The following TENM3 variants were observed in gnomAD, a reference collection of about 807,000 sequenced individuals.
The protein encoded by TENM3 is teneurin-3.
A neutral mutation model predicts 255.1 loss-of-function variants in TENM3; 63 were observed. The ratio of observed to expected loss-of-function variants is 0.25; its 90% confidence interval spans 0.20 to 0.30. The LOEUF (loss-of-function observed/expected upper bound fraction) is 0.30. Ranked by LOEUF, TENM3 falls within the 10% of genes least tolerant of loss-of-function variation. The pLI is 1.00. For missense variants in TENM3, 2,929 were observed against 3,461.1 expected (o/e 0.85, Z 3.86); for synonymous variants, 1,306 against 1,322.3 (o/e 0.99, Z 0.27).
Position 182,751,287 on chromosome 4 carries a change from A to G in TENM3, c.3630-513A>G, listed in dbSNP as rs575899082. 3.3e-5 allele frequency among the ~76,000 whole-genome samples: 5 copies of G among 152,032 alleles called. No individual in the cohort carries two copies. The South Asian group carries it at 1.0e-3, about 32-fold the overall frequency. On this transcript the variant is annotated intron_variant, in intron 19 of 27. Coordinates refer to ENST00000511685, the MANE Select transcript of TENM3 (RefSeq NM_001080477.4). ...TCTGGATTATGATAGAGCAACCAAG[A>G]CAGATACAGTGGTACATTTCTTCAG...
chr4:182,716,255 C>T (rs943059338), intron 13 of TENM3, among the ~76,000 whole-genome samples: 4 of 152,168 alleles, frequency 2.6e-5, no homozygotes, highest in African/African-American at 4.8e-5. Context: ...CAGAGGGAAG[C>T]GGGCTGCAGG....
At chr4:181,454,340 C>T in the TENM3 span, among the ~76,000 whole-genome samples, 1 of 152,096 alleles carries the variant, frequency 6.6e-6, no homozygotes. Flanking sequence ...CAACAGTGGA[C>T]TGCTGTTTTC....
rs190588752 is a variant in TENM3, at chr4:182,451,523, A to G, written c.511+104594A>G. Among the ~76,000 whole-genome samples, 12 of 152,252 alleles carry G rather than the reference A, an allele frequency of 7.9e-5. No individual in the cohort carries two copies. The South Asian group carries it at 1.0e-3, about 13-fold the overall frequency. On this transcript the variant is annotated intron_variant, in intron 3 of 27. Transcript: ENST00000511685. ...ATTTTTCACGGGACTCCTTTCTTTC[A>G]TAACGTAGGCAAGTGGCAAAGGAGG...
At chr4:181,865,237 G>T in the TENM3 span, among the ~76,000 whole-genome samples, 1 of 152,204 alleles carries the variant, frequency 6.6e-6, no homozygotes, top group Non-Finnish European at 1.5e-5. Context: ...GATCTTACTA[G>T]CTGTTGTGAA....
intron 24 of TENM3, among the ~76,000 whole-genome samples, chr4:182,778,961 G>A (rs1294348149): frequency 7.1e-6 from 1 of 140,918 alleles, no homozygotes; most frequent in African/African-American, 2.7e-5. Flanking sequence ...TTTTTTTAAT[G>A]TCTTGAAGAA....
At chr4:181,889,624 A>G in the TENM3 span, among the ~76,000 whole-genome samples, 1 of 152,104 alleles carries the variant, frequency 6.6e-6, no homozygotes, top group Non-Finnish European at 1.5e-5. Context: ...CAATAATTAT[A>G]AAATAATCCT....
the TENM3 span, among the ~76,000 whole-genome samples, chr4:181,582,051 T>C: frequency 2.6e-5 from 4 of 152,342 alleles, no homozygotes; most frequent in Admixed American, 2.6e-4. Context: ...CATTTACTTC[T>C]GTCAAGCAGT....
At chr4:182,437,170 G>A (rs1341334403) in intron 3 of TENM3, among the ~76,000 whole-genome samples, 1 of 152,160 alleles carries the variant, frequency 6.6e-6, no homozygotes, top group African/African-American at 2.4e-5. Context: ...GACAAAAATA[G>A]CTGTTCTCTA....
At chr4:181,604,488 T>C in the TENM3 span, among the ~76,000 whole-genome samples, 4 of 151,950 alleles carry the variant, frequency 2.6e-5, no homozygotes, top group Admixed American at 6.5e-5. Flanking sequence ...CCCACCCTCT[T>C]ACTTAAGACA....
the TENM3 span, among the ~76,000 whole-genome samples, chr4:181,878,277 T>C: frequency 7.3e-5 from 11 of 151,716 alleles, no homozygotes; most frequent in East Asian, 2.1e-3. Flanking sequence ...GGTAACATAT[T>C]GTATAATTAG....
At chr4:181,603,441 A>G in the TENM3 span, among the ~76,000 whole-genome samples, 1 of 152,158 alleles carries the variant, frequency 6.6e-6, no homozygotes, top group Non-Finnish European at 1.5e-5. Flanking sequence ...TGCCCCAAAG[A>G]AATCAACAGT....
At chr4:182,552,948 T>C (rs1329310557) in intron 3 of TENM3, among the ~76,000 whole-genome samples, 1 of 152,212 alleles carries the variant, frequency 6.6e-6, no homozygotes, top group Non-Finnish European at 1.5e-5. Flanking sequence ...CAGAAAATTA[T>C]AGAGCTTGAC....
intron 22 of TENM3, among the ~76,000 whole-genome samples, chr4:182,765,335 A>G (rs546886431): frequency 3.9e-5 from 6 of 152,362 alleles, no homozygotes; most frequent in South Asian, 2.1e-4. Flanking sequence ...ATAAAAGACA[A>G]CAGCTGTGTT....
chr4:182,738,629 G>A, intron 18 of TENM3, 85 bp downstream of exon 18: 1 of 1,162,538 alleles, frequency 8.6e-7, no homozygotes, highest in Non-Finnish European at 1.2e-6. Context: ...TCATGAGATT[G>A]TAGCAACATT....
intron 3 of TENM3, among the ~76,000 whole-genome samples, chr4:182,356,024 A>T (rs971999482): frequency 2.0e-5 from 3 of 151,948 alleles, no homozygotes; most frequent in Admixed American, 1.3e-4. Context: ...CTGAAAGCAA[A>T]TAGAATGAGA....
At chr4:181,563,342 C>G in the TENM3 span, among the ~76,000 whole-genome samples, 1 of 152,156 alleles carries the variant, frequency 6.6e-6, no homozygotes, top group Non-Finnish European at 1.5e-5. Context: ...GGTTTTCTCA[C>G]TATGTGTGTT....
chr4:182,234,182 T>C (rs1756751201), intron 1 of TENM3, among the ~76,000 whole-genome samples: 1 of 152,108 alleles, frequency 6.6e-6, no homozygotes, highest in South Asian at 2.1e-4. Context: ...AGTCTCTCTC[T>C]CTCTCTAACC....
the TENM3 span, among the ~76,000 whole-genome samples, chr4:182,037,178 C>T: frequency 6.2e-5 from 9 of 145,734 alleles, no homozygotes; most frequent in Non-Finnish European, 1.3e-4. Flanking sequence ...CACGGAGTCT[C>T]ACTCTGTTTC....
At chr4:181,707,128 G>A in the TENM3 span, among the ~76,000 whole-genome samples, 2 of 152,328 alleles carry the variant, frequency 1.3e-5, no homozygotes, top group Non-Finnish European at 2.9e-5. Context: ...CAGCAGAAGG[G>A]AGGGGACTTG....
Sources: gnomAD v4.1 joint callset for allele counts (sites outside exome capture counted in the v4.1 genomes callset) on GRCh38, gnomAD v4.1.1 for gene constraint, MANE v1.5 for transcripts, NCBI Gene and HGNC (gene_info 2026-07-23, HGNC 2026-07-21) for gene names.